Variants in ATP2B2 observed in about 807,000 individuals in gnomAD.
ATP2B2 encodes the protein ATPase plasma membrane Ca2+ transporting 2, also known as plasma membrane calcium-transporting ATPase 2.
ATP2B2 carries 15 observed loss-of-function variants against 120.0 expected under a neutral mutation model. The observed-to-expected ratio is 0.12, with a 90% CI of 0.08 to 0.19. ATP2B2 has a LOEUF of 0.19. ATP2B2 is among the 10% of genes least tolerant of loss of function. The pLI, the probability that ATP2B2 is intolerant of heterozygous loss-of-function variation, is 1.00. For synonymous variants in ATP2B2, 694 were observed against 700.3 expected (o/e 0.99, Z 0.14); for missense variants, 1,045 against 1,719.8 (o/e 0.61, Z 6.94).
intron 1 of ATP2B2, among the ~76,000 whole-genome samples, chr3:10,478,145 G>A (rs761067013): frequency 3.6e-4 from 54 of 152,030 alleles, no homozygotes; most frequent in Non-Finnish European, 3.7e-4. Flanking sequence ...AGCATTTTTC[G>A]CATGCTTATT....
In ATP2B2 at chr3:10,556,615, C is replaced by A. The variant is rs530855940; in HGVS notation, c.-414-22482G>T. ...GAAGGCTCCTAAGGGAGGAGAAGAG[C>A]AAGGGCGAAACCCCTGAAGGTGGGG... On this transcript the variant is annotated intron_variant, in intron 2 of 21. Transcript: ENST00000646379. Among the ~76,000 whole-genome samples the A allele has an allele frequency of 1.4e-4, 22 of 152,306 alleles. No homozygotes were observed. In the South Asian group the frequency reaches 4.6e-3, roughly 32 times the overall value.
intron 1 of ATP2B2, among the ~76,000 whole-genome samples, chr3:10,476,274 TC>T (rs2065199411): frequency 6.6e-6 from 1 of 152,142 alleles, no homozygotes; most frequent in Non-Finnish European, 1.5e-5. Context: ...CTACCAACAT[TC>T]TTTGTAAGAG....
chr3:10,629,143 C>A (rs1266927269), intron 1 of ATP2B2, among the ~76,000 whole-genome samples: 2 of 152,078 alleles, frequency 1.3e-5, no homozygotes, highest in African/African-American at 4.8e-5. Context: ...GCAAAACCAC[C>A]AACAGAAAGC....
chr3:10,388,782 C>T (rs1054442752), intron 5 of ATP2B2, among the ~76,000 whole-genome samples: 1 of 152,222 alleles, frequency 6.6e-6, no homozygotes, highest in Non-Finnish European at 1.5e-5. Context: ...ACACACATTA[C>T]AAAAATCACA....
intron 19 of ATP2B2, among the ~76,000 whole-genome samples, chr3:10,341,255 C>T (rs1470190459): frequency 6.6e-6 from 1 of 152,176 alleles, no homozygotes; most frequent in African/African-American, 2.4e-5. Flanking sequence ...CATGGCAGGG[C>T]ACTGCTGTGT....
At chr3:10,587,690 C>T (rs1009212527) in intron 2 of ATP2B2, among the ~76,000 whole-genome samples, 1 of 152,172 alleles carries the variant, frequency 6.6e-6, no homozygotes, top group African/African-American at 2.4e-5. Flanking sequence ...TAGTTTAATT[C>T]TTCATTGTCT....
In ATP2B2 at chr3:10,343,453, G is replaced by T. The variant is rs1274163754; in HGVS notation, c.2704-488C>A. On this transcript the variant is annotated intron_variant, in intron 18 of 22. Transcript: ENST00000360273. This position sits in a 1 kb window ranked among gnomAD's most constrained non-coding sequence, Gnocchi z 4.2. ...TCCCGCCTTACCTTAAAAAATTATTGTGCGTATCTATGACTCAAAAATTAA... is the reference window on the plus strand; with the variant it reads ...TCCCGCCTTACCTTAAAAAATTATTTTGCGTATCTATGACTCAAAAATTAA... Among the ~76,000 whole-genome samples the T allele has an allele frequency of 7.8e-6, 1 of 127,472 alleles. No homozygotes were observed. Among genetic ancestry groups the T allele is most frequent in the East Asian group, 2.5e-4 (1 of 4,046 alleles). The allele number at this position is 127,472 out of a possible 152,430, so 83.6% of individuals were successfully genotyped here. A position where few individuals can be genotyped will look rare whatever the true frequency, so the allele number is the denominator to read the frequency against.
chr3:10,628,113 C>T (rs944241821), intron 1 of ATP2B2, among the ~76,000 whole-genome samples: 6 of 152,106 alleles, frequency 3.9e-5, no homozygotes, highest in African/African-American at 1.2e-4. Context: ...GAGCAGGGGG[C>T]GGGGACCTGC....
At chr3:10,507,509 C>T (rs1342858850), upstream of ATP2B2, among the ~76,000 whole-genome samples, 4 of 152,154 alleles carry the variant, frequency 2.6e-5, no homozygotes, top group Non-Finnish European at 2.9e-5. Flanking sequence ...GATGTTGGAG[C>T]GAGGGTGGGC....
At chr3:10,706,936 T>C (rs752931780) in intron 1 of ATP2B2, among the ~76,000 whole-genome samples, 3 of 152,186 alleles carry the variant, frequency 2.0e-5, no homozygotes, top group Non-Finnish European at 4.4e-5. Context: ...CTGTGTGACC[T>C]TGAGGCCAAC....
At chr3:10,331,064 T>C (rs2059965626) in intron 22 of ATP2B2, among the ~76,000 whole-genome samples, 1 of 152,198 alleles carries the variant, frequency 6.6e-6, no homozygotes, top group Non-Finnish European at 1.5e-5. Context: ...TTGCATACTG[T>C]GAGCTGGGAC....
chr3:10,654,102 T>G (rs1020379286), intron 1 of ATP2B2, among the ~76,000 whole-genome samples: 2 of 152,186 alleles, frequency 1.3e-5, no homozygotes, highest in African/African-American at 4.8e-5. Flanking sequence ...ACAAACCCTC[T>G]GAGGCAGGCT....
chr3:10,366,775 C>A (rs2061072145), intron 12 of ATP2B2, among the ~76,000 whole-genome samples: 1 of 152,184 alleles, frequency 6.6e-6, no homozygotes, highest in Non-Finnish European at 1.5e-5. Context: ...AGCAGCAGGA[C>A]AGCCAGAGCT....
At chr3:10,362,692 C>T (rs2060936986) in intron 12 of ATP2B2, among the ~76,000 whole-genome samples, 1 of 152,214 alleles carries the variant, frequency 6.6e-6, no homozygotes, top group African/African-American at 2.4e-5. Context: ...TGACCTAAGG[C>T]ATCCTGTGCC....
intron 1 of ATP2B2, among the ~76,000 whole-genome samples, chr3:10,495,793 A>C (rs1318067547): frequency 6.6e-6 from 1 of 152,240 alleles, no homozygotes; most frequent in Admixed American, 6.5e-5. Flanking sequence ...GTAGATAAGG[A>C]AACTGAGGCT....
intron 2 of ATP2B2, among the ~76,000 whole-genome samples, chr3:10,547,625 G>A (rs1047847973): frequency 4.6e-5 from 7 of 152,180 alleles, no homozygotes; most frequent in African/African-American, 1.4e-4. Flanking sequence ...CCCAGAGAGG[G>A]AGAGAGAGTT....
intron 1 of ATP2B2, among the ~76,000 whole-genome samples, chr3:10,647,070 G>A (rs866756330): frequency 6.6e-6 from 1 of 152,184 alleles, no homozygotes. Context: ...AGGGCTTGGT[G>A]GGAGCAATGG....
At chr3:10,637,634 T>C (rs1186628182) in intron 1 of ATP2B2, among the ~76,000 whole-genome samples, 1 of 152,108 alleles carries the variant, frequency 6.6e-6, no homozygotes, top group Non-Finnish European at 1.5e-5. Flanking sequence ...GAAAAGAGTA[T>C]CAGTGAGCTG....
At chr3:10,612,007 C>G (rs1274604890) in intron 2 of ATP2B2, among the ~76,000 whole-genome samples, 1 of 152,194 alleles carries the variant, frequency 6.6e-6, no homozygotes, top group African/African-American at 2.4e-5. Flanking sequence ...CAGCCAGCAT[C>G]GCATTTTACA....
Sources: gnomAD v4.1 joint callset for allele counts (sites outside exome capture counted in the v4.1 genomes callset) on GRCh38, gnomAD v4.1.1 for gene constraint, Gnocchi (gnomAD v3.1) non-coding constraint, MANE v1.5 for transcripts, NCBI Gene and HGNC (gene_info 2026-07-23, HGNC 2026-07-21) for gene names.